The following ERMAP variants were observed in gnomAD, a reference collection of about 807,000 sequenced individuals.
ERMAP encodes erythroblast membrane associated protein (Scianna blood group).
In ERMAP, 34 loss-of-function variants were observed where a neutral mutation model predicts 49.5. The observed-to-expected ratio is 0.69, with a 90% CI of 0.52 to 0.91. ERMAP has a LOEUF of 0.91. Ranked by LOEUF, ERMAP falls within the 40% of genes least tolerant of loss-of-function variation. The pLI is 0.00. For synonymous variants in ERMAP, 214 were observed against 232.2 expected (o/e 0.92, Z 0.71); for missense variants, 541 against 582.6 (o/e 0.93, Z 0.74).
rs1557609181 is a variant in ERMAP at position 42,831,560 on chromosome 1, T to TG, written c.433+445_433+446insG. ...GTTAGGAAGGGAGAGATAGTGTTTT[T>TG]TTTTTTTTTTTTCTCTTTTTTTTTT... On this transcript the variant is annotated intron_variant, in intron 4 of 11. Coordinates refer to ENST00000372517, the MANE Select transcript of ERMAP (RefSeq NM_001017922.2). Among the ~76,000 whole-genome samples, 14 of 47,996 alleles carry TG rather than the reference T, an allele frequency of 2.9e-4. 2 individuals are homozygous for TG. Among genetic ancestry groups the TG allele is most frequent in the African/African-American group, 1.6e-3 (14 of 8,666 alleles). 31.5% of individuals were successfully genotyped at this position (47,996 alleles called of 152,430 possible).
rs764006682 is a variant in ERMAP, at chr1:42,842,941, C to T, written c.1137C>T (p.His379=). The part of the protein sequence containing the change: ...ISFYNVTNKS[H]IFTFTHNFSG... The stretch of plus-strand genomic sequence containing the variant: ...TCTACAATGTGACCAACAAGTCCCA[C>T]ATCTTTACTTTCACCCACAATTTCT... Residue 379 remains histidine (H), a synonymous_variant, in exon 12 of 12, where the codon CAC becomes CAT. Coordinates refer to ENST00000372517, the MANE Select transcript of ERMAP (RefSeq NM_001017922.2). 6.2e-7 allele frequency: 1 copy of T among 1,614,230 alleles called. No homozygotes were observed. The highest frequency in any genetic ancestry group is 1.1e-5 in the South Asian group (1 of 91,084).
At chr1:42,821,800 C>A (rs1654411550) in intron 1 of ERMAP, among the ~76,000 whole-genome samples, 1 of 151,754 alleles carries the variant, frequency 6.6e-6, no homozygotes. Flanking sequence ...CACTTTAGGC[C>A]AGGAGTTTGA....
intron 4 of ERMAP, among the ~76,000 whole-genome samples, chr1:42,834,048 A>C (rs1654824040): frequency 6.6e-6 from 1 of 152,250 alleles, no homozygotes; most frequent in African/African-American, 2.4e-5. Flanking sequence ...AGAGATAAGG[A>C]GTCCTGTCAT....
At chr1:42,827,978 CA>C (rs1654601592) in intron 2 of ERMAP, among the ~76,000 whole-genome samples, 1 of 151,892 alleles carries the variant, frequency 6.6e-6, no homozygotes, top group Admixed American at 6.6e-5. Flanking sequence ...GGAGAAACAA[CA>C]AATGCAATAA....
Position 42,835,133 on chromosome 1 carries a change from T to A in ERMAP, c.529T>A (p.Trp177Arg). Reference sequence around the variant, plus strand: ...CATCATGGTGTGCCTTTGCCTTATCTGGAAGCAAAGAAGAGCAAAAGGTAA... The same window carrying A: ...CATCATGGTGTGCCTTTGCCTTATCAGGAAGCAAAGAAGAGCAAAAGGTAA... Reference protein sequence around the residue: ...LLIMVCLCLIWKQRRAKEKLL... With the variant: ...LLIMVCLCLIRKQRRAKEKLL... Residue 177 changes from tryptophan to arginine, a missense_variant, in exon 5 of 12, where the codon TGG becomes AGG. Coordinates refer to ENST00000372517, the MANE Select transcript of ERMAP (RefSeq NM_001017922.2). 1 of 1,513,586 alleles carries A rather than the reference T, an allele frequency of 6.6e-7. No individual in the cohort carries two copies. 93.8% of individuals were successfully genotyped at this position (1,513,586 alleles called of 1,614,324 possible). A position where few individuals can be genotyped will look rare whatever the true frequency, so the allele number is the denominator to read the frequency against.
intron 5 of ERMAP, 107 bp from the exon 6 acceptor site, chr1:42,835,625 T>A: frequency 1.4e-6 from 2 of 1,437,140 alleles, no homozygotes; most frequent in Non-Finnish European, 1.9e-6. Context: ...TTACCTGTAG[T>A]GACAAGGAGT....
At position 42,836,666 on chromosome 1, in the gene ERMAP, A is replaced by G. The variant is rs1383212478; in HGVS notation, c.584-492A>G. 2.0e-5 allele frequency among the ~76,000 whole-genome samples: 3 copies of G among 152,190 alleles called. No homozygotes were observed. In the East Asian group the frequency reaches 5.8e-4, roughly 29 times the overall value. ...AGGTCGGGAGTTCAAGCCCAGCCTGATTAACATGGCGAAACCCTGTCTCTA... is the reference window on the plus strand; with the variant it reads ...AGGTCGGGAGTTCAAGCCCAGCCTGGTTAACATGGCGAAACCCTGTCTCTA... On this transcript the variant is annotated intron_variant, in intron 6 of 11. Coordinates refer to ENST00000372517, the MANE Select transcript of ERMAP (RefSeq NM_001017922.2).
At position 42,835,904 on chromosome 1, in the gene ERMAP, C is replaced by T. The variant is rs567117865; in HGVS notation, c.583+140C>T. The T allele has an allele frequency of 2.8e-5, 39 of 1,378,194 alleles. 1 individual carries two copies. The Middle Eastern group carries it at 5.6e-4, about 20-fold the overall frequency. 85.4% of individuals were successfully genotyped at this position (1,378,194 alleles called of 1,614,324 possible). On this transcript the variant is annotated intron_variant, in intron 6 of 11. Coordinates refer to ENST00000372517, the MANE Select transcript of ERMAP (RefSeq NM_001017922.2). ...TGGTGATGGTGGCAATGTCTAAATC[C>T]GTTGCTTCCAGTTTTTACTGCCTCT...
intron 4 of ERMAP, chr1:42,834,592 G>C (rs1654839804): frequency 1.1e-5 from 3 of 283,308 alleles, no homozygotes; most frequent in African/African-American, 6.9e-5. Flanking sequence ...TTTCACTCTT[G>C]TCACCCAGGC....
In ERMAP at chr1:42,838,812, T is replaced by A. The variant is rs1654976357; in HGVS notation, c.617-89T>A. 1.3e-5 allele frequency: 21 copies of A among 1,583,354 alleles called. No individual in the cohort carries two copies. The South Asian group carries it at 2.3e-4, about 18-fold the overall frequency. On this transcript the variant is annotated intron_variant, in intron 7 of 11. Transcript: ENST00000372517. ...AGAAGCGTCACCATCATTTTAATCT[T>A]GTGGGTTGGAGTGATGAGGCTGCCA...
At chr1:42,828,193 C>A (rs775453846) in intron 2 of ERMAP, among the ~76,000 whole-genome samples, 1 of 151,388 alleles carries the variant, frequency 6.6e-6, no homozygotes. Flanking sequence ...ATGGTTCTTA[C>A]ATCTGTGTAA....
chr1:42,831,489 G>A (rs1398766558), intron 4 of ERMAP, among the ~76,000 whole-genome samples: 1 of 150,394 alleles, frequency 6.6e-6, no homozygotes, highest in Admixed American at 6.6e-5. Context: ...GCTGTGACAG[G>A]ATTTACTTAA....
intron 11 of ERMAP, 128 bp downstream of exon 11, chr1:42,840,424 T>C (rs934094545): frequency 5.6e-6 from 6 of 1,070,894 alleles, no homozygotes; most frequent in Non-Finnish European, 8.3e-6. Context: ...AATCTGTATA[T>C]CTGACTATCA....
At chr1:42,835,274 G>A (rs1654862311) in intron 5 of ERMAP, 120 bp downstream of exon 5, 1 of 682,300 alleles carries the variant, frequency 1.5e-6, no homozygotes, top group Admixed American at 2.2e-5. Flanking sequence ...GACACTGCAA[G>A]TTGGCTGGGA....
chr1:42,840,343 C>A (rs1481778245), intron 11 of ERMAP, 47 bp downstream of exon 11: 1 of 1,611,886 alleles, frequency 6.2e-7, no homozygotes, highest in Middle Eastern at 1.7e-4. Context: ...GCACTTCCTC[C>A]TTATGGCTTT....
At chr1:42,817,731 A>G (rs1017087324) in intron 1 of ERMAP, 12 of 152,418 alleles carry the variant, frequency 7.9e-5, no homozygotes, top group Admixed American at 3.3e-4. Flanking sequence ...AGAAGTACCA[A>G]TAGCCAGTAT....
chr1:42,820,263 G>A (rs372410601), intron 1 of ERMAP, among the ~76,000 whole-genome samples: 25 of 151,756 alleles, frequency 1.6e-4, no homozygotes, highest in African/African-American at 5.3e-4. Flanking sequence ...TGTTCTGAAC[G>A]TTCATAACAA....
intron 1 of ERMAP, 68 bp downstream of exon 1, chr1:42,817,321 G>C (rs1389104531): frequency 1.8e-6 from 2 of 1,125,916 alleles, no homozygotes; most frequent in Non-Finnish European, 2.3e-6. Flanking sequence ...TCCTGGGCGG[G>C]GCCGCGCGCC....
chr1:42,826,854 C>CAAA (rs11405842), intron 2 of ERMAP, among the ~76,000 whole-genome samples: 2 of 134,032 alleles, frequency 1.5e-5, no homozygotes, highest in Non-Finnish European at 1.6e-5. Context: ...AACTCTGTCT[C>CAAA]AAAAAAAAAA....
Sources: allele counts gnomAD v4.1 joint callset (sites outside exome capture counted in the v4.1 genomes callset), GRCh38; gene constraint gnomAD v4.1.1; transcripts MANE v1.5; gene names NCBI Gene and HGNC (gene_info 2026-07-23, HGNC 2026-07-21).